SDK1: variants seen among roughly 807,000 people sequenced by gnomAD.
The protein encoded by SDK1 is sidekick cell adhesion molecule 1.
In SDK1, 157 loss-of-function variants were observed where a neutral mutation model predicts 245.5. The ratio of observed to expected loss-of-function variants is 0.64; its 90% CI spans 0.56 to 0.73. SDK1 has a LOEUF of 0.73. SDK1 is among the 30% of genes least tolerant of loss of function. The probability of loss-of-function intolerance (pLI) is 0.00; values close to 1 mark genes in which losing one functional copy is unlikely to be tolerated. For synonymous variants in SDK1, 1,647 were observed against 1,278.5 expected, an observed-to-expected ratio of 1.29 and a Z score of -6.15; for missense variants, 3,583 against 3,002.3, an observed-to-expected ratio of 1.19 and a Z score of -4.52.
chr7:3,551,064 C>G (rs1779387747), intron 1 of SDK1, among the ~76,000 whole-genome samples: 1 of 152,156 alleles, frequency 6.6e-6, no homozygotes, highest in South Asian at 2.1e-4. Context: ...AGGACCTAAC[C>G]TACTTTTACA....
chr7:3,577,179 C>T (rs939060222), intron 1 of SDK1, among the ~76,000 whole-genome samples: 15 of 152,058 alleles, frequency 9.9e-5, no homozygotes, highest in Admixed American at 3.3e-4. Context: ...GAATCGCAGA[C>T]CTACTGCAAG....
chr7:4,109,269 T>C (rs917202318), intron 22 of SDK1, among the ~76,000 whole-genome samples: 2 of 152,172 alleles, frequency 1.3e-5, no homozygotes, highest in Admixed American at 6.5e-5. Context: ...CTGAAAGCGT[T>C]GAGAGTTTTG....
intron 1 of SDK1, among the ~76,000 whole-genome samples, chr7:3,422,816 G>A (rs565842441): frequency 3.9e-5 from 6 of 152,218 alleles, no homozygotes; most frequent in African/African-American, 1.4e-4. Flanking sequence ...TAATTCCTGG[G>A]AAAAATACCA....
At chr7:3,526,681 CAAG>C in intron 1 of SDK1, among the ~76,000 whole-genome samples, 1 of 152,156 alleles carries the variant, frequency 6.6e-6, no homozygotes, top group Non-Finnish European at 1.5e-5. Flanking sequence ...TTATTTTTGT[CAAG>C]TTTTTCTTCA....
chr7:3,745,573 A>C (rs1779592599), intron 4 of SDK1, among the ~76,000 whole-genome samples: 1 of 152,074 alleles, frequency 6.6e-6, no homozygotes, highest in Non-Finnish European at 1.5e-5. Context: ...TAAATTCTAT[A>C]CAATTTGATC....
At chr7:4,106,123 C>G (rs928136723) in intron 22 of SDK1, among the ~76,000 whole-genome samples, 2 of 152,104 alleles carry the variant, frequency 1.3e-5, no homozygotes, top group African/African-American at 2.4e-5. Flanking sequence ...GTTTTATGCT[C>G]AGCAAAACAA....
chr7:3,951,329 T>A (rs1780810552), intron 6 of SDK1, among the ~76,000 whole-genome samples: 1 of 152,110 alleles, frequency 6.6e-6, no homozygotes, highest in Non-Finnish European at 1.5e-5. Flanking sequence ...AGGAAAAAGT[T>A]CATTGCTCTT....
chr7:3,467,564 T>C (rs762701484), intron 1 of SDK1, among the ~76,000 whole-genome samples: 21 of 152,030 alleles, frequency 1.4e-4, no homozygotes, highest in Non-Finnish European at 2.8e-4. Flanking sequence ...TTAATAATTA[T>C]AGTAAATTAT....
chr7:3,482,519 C>G (rs899000565), intron 1 of SDK1, among the ~76,000 whole-genome samples: 1 of 152,178 alleles, frequency 6.6e-6, no homozygotes, highest in Non-Finnish European at 1.5e-5. Context: ...AAAGAAATCT[C>G]TGCGCAGAAG....
At chr7:4,001,920 C>T (rs1174212877) in intron 14 of SDK1, among the ~76,000 whole-genome samples, 3 of 152,220 alleles carry the variant, frequency 2.0e-5, no homozygotes, top group Admixed American at 6.5e-5. Context: ...TCACAATGTT[C>T]TTTTCAAATT....
rs57770805 is a variant in SDK1, at chr7:3,319,878, C to CTTTTTTTTTTTTTTTTTTTTTTTT, written c.298+18011_298+18012insTTTTTTTTTTTTTTTTTTTTTTTT. Among the ~76,000 whole-genome samples the CTTTTTTTTTTTTTTTTTTTTTTTT allele has an allele frequency of 2.3e-3, 206 of 87,984 alleles. 16 individuals are homozygous for CTTTTTTTTTTTTTTTTTTTTTTTT. The highest frequency in any genetic ancestry group is 5.5e-3 in the East Asian group (16 of 2,918). 57.7% of individuals were successfully genotyped at this position (87,984 alleles called of 152,430 possible). On this transcript the variant is annotated intron_variant, in intron 1 of 44. Coordinates refer to ENST00000404826, the MANE Select transcript of SDK1 (RefSeq NM_152744.4). The stretch of plus-strand genomic sequence containing the variant: ...TGCCTATATCTAACCCATTCTTAGT[C>CTTTTTTTTTTTTTTTTTTTTTTTT]TTTTTTTTTTTTTTTTTGCATTTGC...
chr7:3,868,687 G>A (rs561163338), intron 5 of SDK1, among the ~76,000 whole-genome samples: 11 of 152,100 alleles, frequency 7.2e-5, no homozygotes, highest in East Asian at 1.9e-4. Context: ...AATTCCAAAC[G>A]TCAGCATAAA....
intron 1 of SDK1, among the ~76,000 whole-genome samples, chr7:3,550,195 T>C (rs945133684): frequency 1.3e-5 from 2 of 152,220 alleles, no homozygotes; most frequent in Admixed American, 6.5e-5. Context: ...TATACATATA[T>C]AATTGAGATA....
At chr7:4,106,479 G>C (rs1782918411) in intron 22 of SDK1, among the ~76,000 whole-genome samples, 1 of 151,824 alleles carries the variant, frequency 6.6e-6, no homozygotes, top group South Asian at 2.1e-4. Flanking sequence ...TGTATTTTTA[G>C]GAAAGACAGG....
At position 3,418,249 on chromosome 7, in the gene SDK1, G is replaced by A. The variant is rs187043638; in HGVS notation, c.298+116365G>A. 5.9e-5 allele frequency among the ~76,000 whole-genome samples: 9 copies of A among 152,030 alleles called. No homozygotes were observed. The East Asian group carries it at 1.7e-3, about 29-fold the overall frequency. On this transcript the variant is annotated intron_variant, in intron 1 of 44. Transcript: ENST00000404826. The stretch of plus-strand genomic sequence containing the variant: ...GGAGAATTGCTTGAGCCCGGGAGGC[G>A]GAGGTTGCAGTGAGCCGAGATTGCG...
chr7:3,471,582 G>A (rs753567474), intron 1 of SDK1, among the ~76,000 whole-genome samples: 8 of 152,212 alleles, frequency 5.3e-5, no homozygotes, highest in African/African-American at 1.9e-4. Flanking sequence ...TCAATTTTGC[G>A]TATTTACACT....
chr7:3,499,171 A>G (rs886285480), intron 1 of SDK1, among the ~76,000 whole-genome samples: 5 of 152,166 alleles, frequency 3.3e-5, no homozygotes, highest in African/African-American at 7.2e-5. Context: ...AATAGCTGAA[A>G]TTTTACGCAT....
At chr7:3,369,644 G>A (rs79532620) in intron 1 of SDK1, among the ~76,000 whole-genome samples, 3,358 of 152,242 alleles carry the variant, frequency 0.022, 136 homozygotes, top group African/African-American at 0.076. Context: ...AGCACAAAAT[G>A]TTTCCTCAAG....
At position 3,508,432 on chromosome 7, in the gene SDK1, A is replaced by G. The variant is rs928343095; in HGVS notation, c.299-110648A>G. 3.3e-5 allele frequency among the ~76,000 whole-genome samples: 5 copies of G among 151,088 alleles called. No homozygotes were observed. The East Asian group carries it at 5.9e-4, about 18-fold the overall frequency. Reference sequence around the variant, plus strand: ...AACCTCTACCTCCTCGGTTCAAACAATTCTCCTGCCTCAGCCTCCTGAGTA... The same window carrying G: ...AACCTCTACCTCCTCGGTTCAAACAGTTCTCCTGCCTCAGCCTCCTGAGTA... On this transcript the variant is annotated intron_variant, in intron 1 of 44. Transcript: ENST00000404826.
Sources: gnomAD v4.1 joint callset for allele counts (sites outside exome capture counted in the v4.1 genomes callset) on GRCh38, gnomAD v4.1.1 for gene constraint, MANE v1.5 for transcripts, NCBI Gene and HGNC (gene_info 2026-07-23, HGNC 2026-07-21) for gene names.